DCC: variants seen among roughly 807,000 people sequenced by gnomAD.
The protein encoded by DCC is DCC netrin 1 receptor, also known as netrin receptor DCC.
Under a neutral mutation model 172.5 loss-of-function variants are expected in DCC, and 58 were observed. That is an observed-to-expected ratio of 0.34 (90% CI 0.27 to 0.42). DCC has a LOEUF of 0.42. DCC is among the 10% of genes least tolerant of loss of function. DCC has a pLI of 1.00. For missense variants in DCC, 1,740 were observed against 1,791.0 expected, an observed-to-expected ratio of 0.97 and a Z score of 0.51; for synonymous variants, 709 against 644.5, an observed-to-expected ratio of 1.10 and a Z score of -1.52.
chr18:52,361,564 G>A (rs1453777912), intron 1 of DCC, among the ~76,000 whole-genome samples: 3 of 152,138 alleles, frequency 2.0e-5, no homozygotes, highest in Non-Finnish European at 4.4e-5. Context: ...CAGTTCCAAC[G>A]CCTCCAAAAT....
intron 15 of DCC, among the ~76,000 whole-genome samples, chr18:53,370,645 T>C (rs1190507415): frequency 6.6e-6 from 1 of 151,904 alleles, no homozygotes; most frequent in Non-Finnish European, 1.5e-5. Flanking sequence ...TTGTGTTATT[T>C]AATTTCCATA....
chr18:53,011,966 T>G (rs896714301), intron 5 of DCC, among the ~76,000 whole-genome samples: 10 of 152,056 alleles, frequency 6.6e-5, no homozygotes, highest in Middle Eastern at 3.4e-3. Context: ...CTAGGCATCA[T>G]GGAAATGCAA....
intron 2 of DCC, among the ~76,000 whole-genome samples, chr18:52,844,807 ATGT>A (rs2038860144): frequency 6.6e-6 from 1 of 152,164 alleles, no homozygotes; most frequent in African/African-American, 2.4e-5. Context: ...TTCCTCTTTG[ATGT>A]TTGTCACCCA....
chr18:52,806,016 TGAA>T (rs2038077428), intron 2 of DCC, among the ~76,000 whole-genome samples: 1 of 152,246 alleles, frequency 6.6e-6, no homozygotes, highest in Admixed American at 6.5e-5. Flanking sequence ...TTTAAGGTGA[TGAA>T]GGACTTTTAG....
intron 1 of DCC, among the ~76,000 whole-genome samples, chr18:52,625,345 G>A (rs549813297): frequency 1.3e-5 from 2 of 152,046 alleles, no homozygotes; most frequent in Admixed American, 6.6e-5. Context: ...TAATGTAACC[G>A]CCGTATTGAT....
chr18:52,967,684 A>G (rs971796908), intron 5 of DCC, among the ~76,000 whole-genome samples: 7 of 152,110 alleles, frequency 4.6e-5, no homozygotes, highest in Non-Finnish European at 7.4e-5. Context: ...CTCTTCTGAT[A>G]TATTAGATCT....
intron 2 of DCC, among the ~76,000 whole-genome samples, chr18:52,820,005 C>A (rs1392568678): frequency 6.6e-6 from 1 of 152,146 alleles, no homozygotes; most frequent in African/African-American, 2.4e-5. Context: ...CAGGCGTGAG[C>A]CACCACGCCC....
At chr18:53,328,758 C>T (rs972132993) in intron 14 of DCC, among the ~76,000 whole-genome samples, 1 of 152,074 alleles carries the variant, frequency 6.6e-6, no homozygotes, top group Admixed American at 6.6e-5. Context: ...TGGTCTTGAA[C>T]TCCTGACCTC....
intron 12 of DCC, among the ~76,000 whole-genome samples, chr18:53,245,249 T>C (rs1487045348): frequency 6.6e-6 from 1 of 152,142 alleles, no homozygotes; most frequent in Non-Finnish European, 1.5e-5. Flanking sequence ...TCATCTGCTT[T>C]ATATATTGTG....
At chr18:52,736,576 T>C (rs1374591525) in intron 1 of DCC, among the ~76,000 whole-genome samples, 1 of 152,146 alleles carries the variant, frequency 6.6e-6, no homozygotes, top group Non-Finnish European at 1.5e-5. Flanking sequence ...AGGAAGAACA[T>C]TTCACTTACT....
Position 52,340,516 on chromosome 18 carries a change from A to G in DCC, c.-272A>G. On this transcript the variant is annotated 5_prime_UTR_variant, in exon 1 of 29. Transcript: ENST00000442544. ...TCCGTTTCCTTGAGTTAGTTTTCTA[A>G]GGTTTTACCGGGGCTCGGGATCTCT... 1 of 543,116 alleles carries G rather than the reference A, an allele frequency of 1.8e-6. No individual in the cohort carries two copies. The highest frequency in any genetic ancestry group is 3.3e-6 in the Non-Finnish European group (1 of 301,796). The allele number at this position is 543,116 out of a possible 1,614,324, so 33.6% of individuals were successfully genotyped here. A position where few individuals can be genotyped will look rare whatever the true frequency, so the allele number is the denominator to read the frequency against.
At chr18:53,004,949 A>G (rs2041622152) in intron 5 of DCC, among the ~76,000 whole-genome samples, 1 of 152,230 alleles carries the variant, frequency 6.6e-6, no homozygotes, top group Non-Finnish European at 1.5e-5. Context: ...TGATTAGGTC[A>G]TGAGGGCTCT....
chr18:53,189,530 A>T (rs1023724956), intron 9 of DCC, among the ~76,000 whole-genome samples: 3 of 152,180 alleles, frequency 2.0e-5, no homozygotes, highest in Non-Finnish European at 4.4e-5. Context: ...AGGTATATAC[A>T]TACATTAATT....
chr18:53,224,058 C>A (rs1276571730), intron 12 of DCC, among the ~76,000 whole-genome samples: 1 of 152,198 alleles, frequency 6.6e-6, no homozygotes, highest in Admixed American at 6.6e-5. Flanking sequence ...CAAATGCCTT[C>A]TTTTCTAGAG....
At chr18:52,419,928 C>T (rs1987190020) in intron 1 of DCC, among the ~76,000 whole-genome samples, 1 of 151,952 alleles carries the variant, frequency 6.6e-6, no homozygotes, top group African/African-American at 2.4e-5. Context: ...ATAAAGTAAG[C>T]ACTTTGTTAT....
At chr18:52,367,338 G>T (rs556345243) in intron 1 of DCC, among the ~76,000 whole-genome samples, 8 of 152,310 alleles carry the variant, frequency 5.3e-5, no homozygotes, top group African/African-American at 1.9e-4. Flanking sequence ...TGCCAGCCCA[G>T]AAAGGGGCTC....
intron 7 of DCC, among the ~76,000 whole-genome samples, chr18:53,114,250 A>AC (rs61418968): frequency 0.19 from 28,744 of 148,606 alleles, 3,344 homozygotes; most frequent in African/African-American, 0.33. Context: ...TTTAATGAAC[A>AC]CCCCCCCCAC....
At chr18:53,502,953 C>A (rs1337528093) in intron 27 of DCC, among the ~76,000 whole-genome samples, 1 of 152,020 alleles carries the variant, frequency 6.6e-6, no homozygotes, top group Admixed American at 6.6e-5. Flanking sequence ...ATCAACCCAT[C>A]ACCTAGGTAT....
chr18:53,371,616 A>C (rs572425377), intron 15 of DCC, among the ~76,000 whole-genome samples: 1 of 152,142 alleles, frequency 6.6e-6, no homozygotes, highest in African/African-American at 2.4e-5. Context: ...AAATGAACAA[A>C]ACTTTAATTA....
Sources: allele counts gnomAD v4.1 joint callset (sites outside exome capture counted in the v4.1 genomes callset), GRCh38; gene constraint gnomAD v4.1.1; transcripts MANE v1.5; gene names NCBI Gene and HGNC (gene_info 2026-07-23, HGNC 2026-07-21).